The following VPS33B variants were observed in gnomAD, a reference collection of about 807,000 sequenced individuals.
The protein encoded by VPS33B is vacuolar protein sorting-associated protein 33B.
Under a neutral mutation model 95.3 loss-of-function variants are expected in VPS33B, and 80 were observed. The ratio of observed to expected loss-of-function variants is 0.84; its 90% CI spans 0.70 to 1.01. The LOEUF (loss-of-function observed/expected upper bound fraction) is 1.01. VPS33B is among the 50% of genes least tolerant of loss of function. The pLI is 0.00. For synonymous variants in VPS33B, 280 were observed against 280.4 expected, an observed-to-expected ratio of 1.00 and a Z score of 0.01; for missense variants, 715 against 773.4, an observed-to-expected ratio of 0.92 and a Z score of 0.90.
chr15:91,017,157 A>AT, intron 2 of VPS33B, 133 bp from the exon 3 acceptor site: 1 of 818,572 alleles, frequency 1.2e-6, no homozygotes, highest in South Asian at 1.4e-5. Flanking sequence ...TATGCTAATT[A>AT]TGCTCCCCTG....
chr15:91,020,170 C>G (rs1446604965), intron 1 of VPS33B, among the ~76,000 whole-genome samples: 1 of 152,088 alleles, frequency 6.6e-6, no homozygotes, highest in East Asian at 1.9e-4. Flanking sequence ...TATGGTAGGG[C>G]TATAAGTAGT....
intron 1 of VPS33B, 113 bp downstream of exon 1, chr15:91,022,041 C>A (rs2041117845): frequency 1.6e-6 from 2 of 1,256,556 alleles, no homozygotes; most frequent in Non-Finnish European, 2.3e-6. Flanking sequence ...GGGGAAGCGC[C>A]AAGGACAATA....
In VPS33B at chr15:91,009,852, A is replaced by G; in HGVS notation, c.358-6T>C. The stretch of plus-strand genomic sequence containing the variant: ...ACCATCTCACACGCATAGAACTGAA[A>G]GAGAAAAGGAAATTGATTAGTAACT... On this transcript the variant is annotated splice_polypyrimidine_tract_variant and splice_region_variant and intron_variant, in intron 5 of 22. Coordinates refer to ENST00000333371, the MANE Select transcript of VPS33B (RefSeq NM_018668.5). This position sits in a 1 kb window ranked among gnomAD's most constrained non-coding sequence, Gnocchi z 4.1. 3 of 1,614,150 alleles carry G rather than the reference A, an allele frequency of 1.9e-6. No individual in the cohort carries two copies. The highest frequency in any genetic ancestry group is 2.5e-6 in the Non-Finnish European group (3 of 1,179,988).
intron 18 of VPS33B, among the ~76,000 whole-genome samples, chr15:91,001,787 G>C (rs1420385449): frequency 6.6e-6 from 1 of 152,082 alleles, no homozygotes; most frequent in Non-Finnish European, 1.5e-5. Flanking sequence ...CTAAGCCTCA[G>C]TTTCATCATA....
chr15:91,020,948 C>T (rs1262120694), intron 1 of VPS33B, among the ~76,000 whole-genome samples: 2 of 152,082 alleles, frequency 1.3e-5, no homozygotes, highest in Admixed American at 6.6e-5. Flanking sequence ...TCATCTTGAT[C>T]CATCTTCCTT....
rs924902489 is a variant in VPS33B at position 91,010,295 on chromosome 15, T to C, written c.358-449A>G. 1.3e-5 allele frequency among the ~76,000 whole-genome samples: 2 copies of C among 152,140 alleles called. No homozygotes were observed. The highest frequency in any genetic ancestry group is 2.4e-5 in the African/African-American group (1 of 41,438). ...AGGACTTGGGATTAAGTAGCATATATGCTGTATTTAAAGTGGATGATGTGG... is the reference window on the plus strand; with the variant it reads ...AGGACTTGGGATTAAGTAGCATATACGCTGTATTTAAAGTGGATGATGTGG... On this transcript the variant is annotated intron_variant, in intron 5 of 22. Coordinates refer to ENST00000333371, the MANE Select transcript of VPS33B (RefSeq NM_018668.5). This position sits in a 1 kb window ranked among gnomAD's most constrained non-coding sequence, Gnocchi z 5.7.
At chr15:91,016,683 T>C (rs1050992540) in intron 3 of VPS33B, among the ~76,000 whole-genome samples, 3 of 152,088 alleles carry the variant, frequency 2.0e-5, no homozygotes, top group Non-Finnish European at 4.4e-5. Flanking sequence ...CGCACCCAGC[T>C]GCCTTGCAGG....
chr15:91,017,601 C>G (rs1312073765), intron 2 of VPS33B, among the ~76,000 whole-genome samples: 1 of 151,192 alleles, frequency 6.6e-6, no homozygotes, highest in Non-Finnish European at 1.5e-5. Flanking sequence ...GTATTCCAGC[C>G]TGGGCAACAG....
Position 91,007,078 on chromosome 15 carries a change from G to A in VPS33B, c.604-32C>T, listed in dbSNP as rs1178599833. 1.2e-6 allele frequency: 2 copies of A among 1,603,744 alleles called. No homozygotes were observed. Among genetic ancestry groups the A allele is most frequent in the African/African-American group, 1.3e-5 (1 of 74,892 alleles). On this transcript the variant is annotated intron_variant, in intron 8 of 22. Transcript: ENST00000333371. The surrounding 1 kb of genome is among the most constrained non-coding windows in gnomAD (Gnocchi z 5.3). ...GGGCCCAAGACATTCTCAGTCTTGT[G>A]TCCAGGTCCCTACTGCAGCCCCATA...
chr15:91,020,215 C>A (rs1273296247), intron 1 of VPS33B, among the ~76,000 whole-genome samples: 1 of 152,150 alleles, frequency 6.6e-6, no homozygotes, highest in Admixed American at 6.5e-5. Context: ...AATCTTCTTA[C>A]ATTTTCTATA....
chr15:90,998,685 G>C lies in VPS33B; in HGVS notation c.*290C>G. ...AACGACCAACGTATTACATCTGAGA[G>C]CAGAGGCTTTATTTACAATGACATT... On this transcript the variant is annotated 3_prime_UTR_variant, in exon 23 of 23. Coordinates refer to ENST00000333371, the MANE Select transcript of VPS33B (RefSeq NM_018668.5). The surrounding 1 kb of genome is among the most constrained non-coding windows in gnomAD (Gnocchi z 4.8). 2.1e-6 allele frequency: 1 copy of C among 480,104 alleles called. No homozygotes were observed. The highest frequency in any genetic ancestry group is 3.8e-6 in the Non-Finnish European group (1 of 261,152). The allele number at this position is 480,104 out of a possible 1,614,324, so 29.7% of individuals were successfully genotyped here.
rs1208376872 is a variant in VPS33B at position 91,007,097 on chromosome 15, C to T, written c.604-51G>A. The T allele has an allele frequency of 1.9e-6, 3 of 1,588,618 alleles. No individual in the cohort carries two copies. Among genetic ancestry groups the T allele is most frequent in the Non-Finnish European group, 2.6e-6 (3 of 1,167,870 alleles). On this transcript the variant is annotated intron_variant, in intron 8 of 22. Coordinates refer to ENST00000333371, the MANE Select transcript of VPS33B (RefSeq NM_018668.5). This position sits in a 1 kb window ranked among gnomAD's most constrained non-coding sequence, Gnocchi z 5.3. Reference sequence around the variant, plus strand: ...TCTTGTGTCCAGGTCCCTACTGCAGCCCCATACCTACAGAAGTCAGCCCTT... The same window carrying T: ...TCTTGTGTCCAGGTCCCTACTGCAGTCCCATACCTACAGAAGTCAGCCCTT...
rs2040767231 is a variant in VPS33B at position 91,011,109 on chromosome 15, G to A, written c.358-1263C>T. Among the ~76,000 whole-genome samples the A allele has an allele frequency of 6.6e-6, 1 of 152,204 alleles. No individual in the cohort carries two copies. The highest frequency in any genetic ancestry group is 2.1e-4 in the South Asian group (1 of 4,826). ...AGAAGGAAAGCAGAAATGGGGCCAA[G>A]AACTGGCATGGAACAGCTCATCTTA... On this transcript the variant is annotated intron_variant, in intron 5 of 22. Coordinates refer to ENST00000333371, the MANE Select transcript of VPS33B (RefSeq NM_018668.5). The surrounding 1 kb of genome is among the most constrained non-coding windows in gnomAD (Gnocchi z 5.5).
chr15:91,019,585 C>G lies in VPS33B; in HGVS notation c.97-1700G>C, dbSNP rs957236229. Among the ~76,000 whole-genome samples the G allele has an allele frequency of 5.5e-4, 84 of 152,046 alleles. 5 individuals carry two copies. Among genetic ancestry groups the G allele is most frequent in the Non-Finnish European group, 2.9e-5 (2 of 68,022 alleles). ...CTTAGGGGAGTGTGGCCTTGATCCT[C>G]TAATTAACAGGGAAAAATAAAGCTT... On this transcript the variant is annotated intron_variant, in intron 1 of 22. Transcript: ENST00000333371.
At chr15:91,008,092 A>T in intron 6 of VPS33B, 128 bp from the exon 7 acceptor site, 1 of 822,804 alleles carries the variant, frequency 1.2e-6, no homozygotes, top group South Asian at 1.4e-5. Flanking sequence ...CCAGTACTGC[A>T]TTAAGCAATG....
chr15:91,008,078 C>A, intron 6 of VPS33B, 114 bp from the exon 7 acceptor site: 2 of 903,382 alleles, frequency 2.2e-6, no homozygotes, highest in Non-Finnish European at 1.8e-6. Flanking sequence ...GTGCCTGCCA[C>A]ATGCCAGTAC....
chr15:91,022,513 GC>G lies in VPS33B; in HGVS notation c.-265del. 2 of 360,002 alleles carry G rather than the reference GC, an allele frequency of 5.6e-6. No homozygotes were observed. The highest frequency in any genetic ancestry group is 4.4e-5 in the Admixed American group (1 of 22,800). The allele number at this position is 360,002 out of a possible 1,614,324, so 22.3% of individuals were successfully genotyped here. On this transcript the variant is annotated 5_prime_UTR_variant, in exon 1 of 23. Coordinates refer to ENST00000333371, the MANE Select transcript of VPS33B (RefSeq NM_018668.5). ...CCTCCCTGATCCACTCTGCCCGTCA[GC>G]AGGATTCCGGTCTACACCCCGCAGA...
chr15:91,003,975 G>C lies in VPS33B; in HGVS notation c.1226-844C>G, dbSNP rs148287884. Among the ~76,000 whole-genome samples the C allele has an allele frequency of 6.9e-3, 1,050 of 152,266 alleles. 10 individuals carry two copies. Among genetic ancestry groups the C allele is most frequent in the African/African-American group, 0.023 (967 of 41,536 alleles). ...ACAGTAGCTCACTCCTGTAATCCCA[G>C]AACTTAGGGAAGCCGAGGCAGGTGG... is the stretch of plus-strand genomic sequence containing the variant. On this transcript the variant is annotated intron_variant, in intron 16 of 22. Transcript: ENST00000333371.
rs1248529692 is a variant in VPS33B, at chr15:91,002,936, ACT to A, written c.1272+147_1272+148del. On this transcript the variant is annotated intron_variant, in intron 17 of 22. Coordinates refer to ENST00000333371, the MANE Select transcript of VPS33B (RefSeq NM_018668.5). The surrounding 1 kb of genome is among the most constrained non-coding windows in gnomAD (Gnocchi z 4.7). ...GGGCAGAGAGGCGTGCTGAAAGGTG[ACT>A]CTCCCTAGTAGCTCTAAGAGGGAGG... is the stretch of plus-strand genomic sequence containing the variant. 7.9e-5 allele frequency: 68 copies of A among 856,358 alleles called. No individual in the cohort carries two copies. Among genetic ancestry groups the A allele is most frequent in the Non-Finnish European group, 1.2e-4 (62 of 502,594 alleles). 53.0% of individuals were successfully genotyped at this position (856,358 alleles called of 1,614,324 possible).
Sources: allele counts gnomAD v4.1 joint callset (sites outside exome capture counted in the v4.1 genomes callset), GRCh38; gene constraint gnomAD v4.1.1; non-coding constraint Gnocchi (gnomAD v3.1); transcripts MANE v1.5; gene names NCBI Gene and HGNC (gene_info 2026-07-23, HGNC 2026-07-21).